The following PLCL1 variants were observed in gnomAD, a reference collection of about 807,000 sequenced individuals.
PLCL1 encodes inactive phospholipase C-like protein 1.
In PLCL1, 41 loss-of-function variants were observed where a neutral mutation model predicts 84.4. That is an observed-to-expected ratio of 0.49 (90% confidence interval 0.38 to 0.63). The LOEUF (loss-of-function observed/expected upper bound fraction) is 0.63. Among genes scored for constraint, PLCL1 ranks in the 30% least tolerant of loss-of-function variants. The pLI, the probability that PLCL1 is intolerant of heterozygous loss-of-function variation, is 0.00. For synonymous variants in PLCL1, 490 were observed against 488.3 expected (o/e 1.00, Z -0.05); for missense variants, 1,206 against 1,367.8 (o/e 0.88, Z 1.87).
intron 1 of PLCL1, among the ~76,000 whole-genome samples, chr2:197,950,541 C>T (rs557205863): frequency 4.6e-4 from 70 of 151,982 alleles, no homozygotes; most frequent in Admixed American, 7.2e-4. Flanking sequence ...AAAAGGTCAC[C>T]GAAGAGAGGA....
intron 1 of PLCL1, among the ~76,000 whole-genome samples, chr2:197,935,915 C>T (rs1421476442): frequency 6.6e-6 from 1 of 152,194 alleles, no homozygotes; most frequent in East Asian, 1.9e-4. Context: ...ATGCCAGTTC[C>T]CAGTGTCTGG....
At chr2:198,114,350 T>C (rs1693689485) in intron 5 of PLCL1, among the ~76,000 whole-genome samples, 1 of 151,748 alleles carries the variant, frequency 6.6e-6, no homozygotes, top group Non-Finnish European at 1.5e-5. Flanking sequence ...CTCTTGGAGG[T>C]ACACTTTTTT....
intron 1 of PLCL1, among the ~76,000 whole-genome samples, chr2:198,054,212 T>C (rs545417824): frequency 5.3e-5 from 8 of 152,370 alleles, no homozygotes; most frequent in Admixed American, 1.3e-4. Context: ...TTCACACATT[T>C]ACACATAGGT....
At chr2:198,077,230 G>A (rs758627503) in intron 1 of PLCL1, among the ~76,000 whole-genome samples, 3 of 151,646 alleles carry the variant, frequency 2.0e-5, no homozygotes, top group African/African-American at 7.3e-5. Flanking sequence ...GTCTCATTTC[G>A]TTCTCTATCC....
intron 1 of PLCL1, among the ~76,000 whole-genome samples, chr2:198,052,453 G>T (rs1443923629): frequency 2.0e-5 from 3 of 151,956 alleles, no homozygotes; most frequent in Non-Finnish European, 4.4e-5. Context: ...GGGACTCTTT[G>T]GTGGTCTCTG....
intron 5 of PLCL1, among the ~76,000 whole-genome samples, chr2:198,107,211 A>G (rs1488801119): frequency 6.6e-6 from 1 of 151,894 alleles, no homozygotes; most frequent in Non-Finnish European, 1.5e-5. Context: ...TAAAACCATC[A>G]GATCTTGTGA....
At chr2:197,829,872 A>G (rs1219616097) in intron 1 of PLCL1, among the ~76,000 whole-genome samples, 1 of 152,212 alleles carries the variant, frequency 6.6e-6, no homozygotes, top group East Asian at 1.9e-4. Context: ...TTTATGACTT[A>G]GCCCTCATTA....
At chr2:197,927,396 C>T (rs1176299177) in intron 1 of PLCL1, among the ~76,000 whole-genome samples, 1 of 152,200 alleles carries the variant, frequency 6.6e-6, no homozygotes, top group Non-Finnish European at 1.5e-5. Context: ...AATGTATTCA[C>T]CCTCTTCTGT....
rs574660817 is a variant in PLCL1 at position 198,012,513 on chromosome 2, C to T, written c.241-71245C>T. Among the ~76,000 whole-genome samples, 62 of 152,016 alleles carry T rather than the reference C, an allele frequency of 4.1e-4. 1 individual carries two copies. The highest frequency in any genetic ancestry group is 7.4e-5 in the Non-Finnish European group (5 of 67,938). On this transcript the variant is annotated intron_variant, in intron 1 of 5. Transcript: ENST00000428675. The stretch of plus-strand genomic sequence containing the variant: ...TTGGATCTTATTTTTTTAAGTCCTT[C>T]GGCCAATATGTGTCTTTTAATTGGT...
At chr2:198,073,838 T>G (rs982219610) in intron 1 of PLCL1, among the ~76,000 whole-genome samples, 11 of 152,218 alleles carry the variant, frequency 7.2e-5, no homozygotes, top group Non-Finnish European at 1.5e-4. Flanking sequence ...TAGAATAGAC[T>G]TCTCCAAATC....
At chr2:197,913,250 T>C (rs1688526066) in intron 1 of PLCL1, among the ~76,000 whole-genome samples, 1 of 152,232 alleles carries the variant, frequency 6.6e-6, no homozygotes. Context: ...ATGTTAAACA[T>C]ATTTGGACTC....
At position 198,084,086 on chromosome 2, in the gene PLCL1, T is replaced by C; in HGVS notation, c.569T>C (p.Phe190Ser). ...GACCAGATCTGTGAGGACTGTGCCT[T>C]TTCCATACTCCACGGGGAAAACTAT... ...LADQICEDCA[F>S]SILHGENYES... The change falls in exon 2 of 6, where the codon TTT becomes TCT. Residue 190 changes from phenylalanine (F) to serine (S), a missense_variant. Physicochemically the swap from Phe to Ser is radical, Grantham distance 155. Transcript: ENST00000428675. The C allele has an allele frequency of 6.2e-7, 1 of 1,614,174 alleles. No homozygotes were observed. The highest frequency in any genetic ancestry group is 8.5e-7 in the Non-Finnish European group (1 of 1,180,012).
At chr2:197,823,451 A>T (rs1690858299) in intron 1 of PLCL1, among the ~76,000 whole-genome samples, 1 of 152,180 alleles carries the variant, frequency 6.6e-6, no homozygotes, top group Non-Finnish European at 1.5e-5. Context: ...CAAGGTAGAT[A>T]GTCAATGAAT....
Position 197,804,913 on chromosome 2 carries a change from G to A in PLCL1, c.-187G>A, listed in dbSNP as rs974690366. 2.1e-5 allele frequency: 12 copies of A among 575,458 alleles called. No individual in the cohort carries two copies. Among genetic ancestry groups the A allele is most frequent in the Non-Finnish European group, 2.9e-5 (10 of 350,798 alleles). The allele number at this position is 575,458 out of a possible 1,614,324, so 35.6% of individuals were successfully genotyped here. A position where few individuals can be genotyped will look rare whatever the true frequency, so the allele number is the denominator to read the frequency against. On this transcript the variant is annotated 5_prime_UTR_variant, in exon 1 of 6. Transcript: ENST00000428675. ...TAGACCGAAGCCCGAGGACGTCTCTGCCCGAGCGATGTCCCCTCTCCAGAA... is the reference window on the plus strand; with the variant it reads ...TAGACCGAAGCCCGAGGACGTCTCTACCCGAGCGATGTCCCCTCTCCAGAA...
intron 1 of PLCL1, among the ~76,000 whole-genome samples, chr2:198,002,566 AG>A: frequency 6.6e-6 from 1 of 152,316 alleles, no homozygotes; most frequent in Admixed American, 6.5e-5. Flanking sequence ...ATTCTATTTT[AG>A]TTATGTTCTT....
Position 198,084,137 on chromosome 2 carries a change from C to T in PLCL1, c.620C>T (p.Ser207Leu), listed in dbSNP as rs1189472834. ...NYESLDLVANSADVANIWVSG... is the reference protein window; with the variant it reads ...NYESLDLVANLADVANIWVSG... ...GAGTCTCTGGACCTAGTTGCCAATT[C>T]AGCAGATGTGGCAAACATCTGGGTG... Residue 207 changes from serine (S) to leucine (L), a missense_variant, in exon 2 of 6, where the codon TCA becomes TTA. Ser to Leu is a moderately radical substitution (Grantham distance 145). Transcript: ENST00000428675. 3 of 1,614,132 alleles carry T rather than the reference C, an allele frequency of 1.9e-6. No homozygotes were observed. In the East Asian group the frequency reaches 6.7e-5, roughly 36 times the overall value.
At chr2:197,942,457 G>T (rs1454377414) in intron 1 of PLCL1, among the ~76,000 whole-genome samples, 2 of 151,958 alleles carry the variant, frequency 1.3e-5, no homozygotes. Flanking sequence ...TATGGTTCTT[G>T]TTCTTACCAC....
chr2:197,915,573 C>G (rs1688580906), intron 1 of PLCL1, among the ~76,000 whole-genome samples: 1 of 149,502 alleles, frequency 6.7e-6, no homozygotes, highest in East Asian at 2.0e-4. Context: ...ATTCCCAGTT[C>G]AGTGGTGCTG....
At chr2:197,862,500 A>G (rs1687449521) in intron 1 of PLCL1, among the ~76,000 whole-genome samples, 1 of 152,178 alleles carries the variant, frequency 6.6e-6, no homozygotes, top group Non-Finnish European at 1.5e-5. Flanking sequence ...TGGTCATATA[A>G]AGGGAGGGTT....
Sources: gnomAD v4.1 joint callset for allele counts (sites outside exome capture counted in the v4.1 genomes callset) on GRCh38, gnomAD v4.1.1 for gene constraint, MANE v1.5 for transcripts, NCBI Gene and HGNC (gene_info 2026-07-23, HGNC 2026-07-21) for gene names.